KCNB2: variants seen among roughly 807,000 people sequenced by gnomAD.
KCNB2 encodes delayed rectifier potassium channel protein.
KCNB2 carries 15 observed loss-of-function variants against 61.5 expected under a neutral mutation model. The observed-to-expected ratio is 0.24, with a 90% CI of 0.16 to 0.38. The LOEUF is 0.38. KCNB2 is among the 10% of genes least tolerant of loss of function. KCNB2 has a pLI of 1.00. For missense variants in KCNB2, 828 were observed against 1,125.2 expected, an observed-to-expected ratio of 0.74 and a Z score of 3.78; for synonymous variants, 457 against 446.0, an observed-to-expected ratio of 1.02 and a Z score of -0.31.
intron 2 of KCNB2, among the ~76,000 whole-genome samples, chr8:72,595,152 T>C (rs899280469): frequency 6.6e-6 from 1 of 151,858 alleles, no homozygotes; most frequent in African/African-American, 2.4e-5. Context: ...AACAGAGCCC[T>C]TCCTGTGCAC....
intron 2 of KCNB2, among the ~76,000 whole-genome samples, chr8:72,659,078 C>T (rs892229618): frequency 3.3e-5 from 5 of 152,126 alleles, no homozygotes; most frequent in African/African-American, 1.2e-4. Flanking sequence ...TATATGGCTA[C>T]AGCCCCCATA....
At chr8:72,767,959 A>C (rs1212826172) in intron 2 of KCNB2, among the ~76,000 whole-genome samples, 1 of 152,138 alleles carries the variant, frequency 6.6e-6, no homozygotes, top group Non-Finnish European at 1.5e-5. Flanking sequence ...GCATTTCCCT[A>C]AGGGTTAATG....
chr8:72,765,996 T>C (rs1808456207), intron 2 of KCNB2, among the ~76,000 whole-genome samples: 1 of 152,244 alleles, frequency 6.6e-6, no homozygotes, highest in African/African-American at 2.4e-5. Context: ...CTTTCATTCT[T>C]AATGCTGCTT....
intron 2 of KCNB2, among the ~76,000 whole-genome samples, chr8:72,830,287 A>T (rs1197314667): frequency 6.7e-6 from 1 of 150,316 alleles, no homozygotes; most frequent in Non-Finnish European, 1.5e-5. Context: ...AGAGAAGGAG[A>T]GAAGGAGACC....
chr8:72,846,791 T>C (rs7818249), intron 2 of KCNB2, among the ~76,000 whole-genome samples: 140,247 of 151,930 alleles, frequency 0.92, 65,396 homozygotes, highest in Middle Eastern at 0.98. Context: ...GAAATAGGAA[T>C]GCTTTTACAC....
At chr8:72,806,750 T>C (rs557794484) in intron 2 of KCNB2, among the ~76,000 whole-genome samples, 1 of 152,288 alleles carries the variant, frequency 6.6e-6, no homozygotes, top group East Asian at 1.9e-4. Flanking sequence ...CCAGGTACAG[T>C]GATGGGACAG....
chr8:72,737,294 GATC>G (rs1441066766), intron 2 of KCNB2, among the ~76,000 whole-genome samples: 2 of 152,144 alleles, frequency 1.3e-5, no homozygotes, highest in Non-Finnish European at 2.9e-5. Context: ...AGTTGTGATT[GATC>G]ATATCTGGAT....
intron 2 of KCNB2, among the ~76,000 whole-genome samples, chr8:72,803,253 C>G (rs926468294): frequency 1.3e-5 from 2 of 152,196 alleles, no homozygotes; most frequent in Non-Finnish European, 2.9e-5. Context: ...ACTCCCTGTC[C>G]TCTGTCTGTT....
intron 2 of KCNB2, among the ~76,000 whole-genome samples, chr8:72,570,138 G>A (rs1806686864): frequency 6.6e-6 from 1 of 152,060 alleles, no homozygotes; most frequent in Non-Finnish European, 1.5e-5. Flanking sequence ...CTATGACCAT[G>A]GCTCATTACA....
intron 2 of KCNB2, among the ~76,000 whole-genome samples, chr8:72,864,121 T>C (rs1805469118): frequency 6.6e-6 from 1 of 152,202 alleles, no homozygotes; most frequent in Non-Finnish European, 1.5e-5. Flanking sequence ...TTGCCTCAGT[T>C]GTCTCAACTG....
At chr8:72,840,903 T>C (rs1222558541) in intron 2 of KCNB2, among the ~76,000 whole-genome samples, 2 of 152,186 alleles carry the variant, frequency 1.3e-5, no homozygotes, top group Non-Finnish European at 2.9e-5. Context: ...AGCTCTTTAG[T>C]TTAATTAGGT....
chr8:72,752,952 G>C (rs565988869), intron 2 of KCNB2, among the ~76,000 whole-genome samples: 1 of 152,302 alleles, frequency 6.6e-6, no homozygotes, highest in Admixed American at 6.5e-5. Flanking sequence ...CATAAAATCA[G>C]TGCTGACATT....
At chr8:72,924,582 C>T (rs979636779) in intron 2 of KCNB2, among the ~76,000 whole-genome samples, 1 of 152,056 alleles carries the variant, frequency 6.6e-6, no homozygotes, top group South Asian at 2.1e-4. Flanking sequence ...CATAACAGAA[C>T]CCAGGAGCAG....
At chr8:72,590,556 G>A (rs2128981373) in intron 2 of KCNB2, among the ~76,000 whole-genome samples, 1 of 152,270 alleles carries the variant, frequency 6.6e-6, no homozygotes, top group Non-Finnish European at 1.5e-5. Flanking sequence ...AGAGCATAAT[G>A]AGCTTTCATA....
intron 2 of KCNB2, among the ~76,000 whole-genome samples, chr8:72,599,004 T>C (rs549231434): frequency 1.5e-4 from 23 of 152,226 alleles, no homozygotes; most frequent in Admixed American, 1.2e-3. Context: ...ATCAATATCG[T>C]GAAAATGGCC....
intron 2 of KCNB2, among the ~76,000 whole-genome samples, chr8:72,920,846 A>C (rs1806507784): frequency 6.6e-6 from 1 of 152,122 alleles, no homozygotes; most frequent in African/African-American, 2.4e-5. Flanking sequence ...TAACAACAGA[A>C]TACAAAAAGC....
intron 2 of KCNB2, among the ~76,000 whole-genome samples, chr8:72,615,325 A>T (rs1805601509): frequency 6.6e-6 from 1 of 152,216 alleles, no homozygotes; most frequent in South Asian, 2.1e-4. Flanking sequence ...GGTTCTGCTT[A>T]ATACCGACTG....
chr8:72,666,146 A>T (rs1438911740), intron 2 of KCNB2, among the ~76,000 whole-genome samples: 1 of 152,210 alleles, frequency 6.6e-6, no homozygotes, highest in East Asian at 1.9e-4. Flanking sequence ...GCTTTATGGG[A>T]GCCTGCAACT....
intron 2 of KCNB2, among the ~76,000 whole-genome samples, chr8:72,636,389 C>A (rs1271857653): frequency 6.6e-6 from 1 of 152,110 alleles, no homozygotes; most frequent in African/African-American, 2.4e-5. Context: ...AATTAGAAAT[C>A]TATTTGCAGA....
Sources: allele counts gnomAD v4.1 joint callset (sites outside exome capture counted in the v4.1 genomes callset), GRCh38; gene constraint gnomAD v4.1.1; transcripts MANE v1.5; gene names NCBI Gene and HGNC (gene_info 2026-07-23, HGNC 2026-07-21).